Variants in TRIO observed in about 807,000 individuals in gnomAD.
TRIO encodes the protein trio Rho guanine nucleotide exchange factor.
Under a neutral mutation model 351.9 loss-of-function variants are expected in TRIO, and 58 were observed. That is an observed-to-expected ratio of 0.16 (90% CI 0.13 to 0.21). The LOEUF is 0.21. Among genes scored for constraint, TRIO ranks in the 10% least tolerant of loss-of-function variants. The probability of loss-of-function intolerance (pLI) is 1.00; values close to 1 mark genes in which losing one functional copy is unlikely to be tolerated. For synonymous variants in TRIO, 1,758 were observed against 1,595.7 expected (o/e 1.10, Z -2.42); for missense variants, 3,201 against 4,027.8 (o/e 0.79, Z 5.56).
chr5:14,431,250 C>G (rs1411412006), intron 34 of TRIO, among the ~76,000 whole-genome samples: 1 of 152,190 alleles, frequency 6.6e-6, no homozygotes, highest in Admixed American at 6.5e-5. Context: ...AGGGTCTGCC[C>G]TGCTTCATCG....
chr5:14,193,552 A>T, intron 1 of TRIO, among the ~76,000 whole-genome samples: 1 of 152,196 alleles, frequency 6.6e-6, no homozygotes, highest in Non-Finnish European at 1.5e-5. Context: ...CAAGTAATGG[A>T]ATCATTCCGT....
intron 1 of TRIO, among the ~76,000 whole-genome samples, chr5:14,185,856 TG>T (rs1790076278): frequency 6.6e-6 from 1 of 151,936 alleles, no homozygotes; most frequent in African/African-American, 2.4e-5. Context: ...GGACATGGGG[TG>T]GGGTGAGGAG....
intron 1 of TRIO, among the ~76,000 whole-genome samples, chr5:14,184,210 G>T (rs754532373): frequency 6.6e-6 from 1 of 152,080 alleles, no homozygotes; most frequent in East Asian, 1.9e-4. Context: ...TTTTTTAAAA[G>T]AGATTTGCTC....
At chr5:14,181,733 G>A (rs1242363082) in intron 1 of TRIO, among the ~76,000 whole-genome samples, 5 of 152,170 alleles carry the variant, frequency 3.3e-5, no homozygotes, top group Non-Finnish European at 7.4e-5. Flanking sequence ...CTGTAAAGGT[G>A]GATTAGAGGA....
chr5:14,254,144 C>T (rs1581454990), intron 1 of TRIO, among the ~76,000 whole-genome samples: 1 of 151,796 alleles, frequency 6.6e-6, no homozygotes, highest in Admixed American at 6.6e-5. Flanking sequence ...TAAATAGAAC[C>T]CACGTAATGC....
chr5:14,433,271 A>G (rs1413385544), intron 34 of TRIO, among the ~76,000 whole-genome samples: 1 of 152,232 alleles, frequency 6.6e-6, no homozygotes, highest in Admixed American at 6.5e-5. Flanking sequence ...ATGCCTCCAT[A>G]AAGGTGCTTT....
At chr5:14,442,687 G>T (rs566248633) in intron 34 of TRIO, among the ~76,000 whole-genome samples, 5 of 152,346 alleles carry the variant, frequency 3.3e-5, no homozygotes, top group Admixed American at 1.3e-4. Context: ...GTCCCTCGGG[G>T]ACCCTGTGCG....
At chr5:14,227,363 C>T (rs1469994355) in intron 1 of TRIO, among the ~76,000 whole-genome samples, 1 of 152,174 alleles carries the variant, frequency 6.6e-6, no homozygotes, top group Non-Finnish European at 1.5e-5. Context: ...ACAGGGACCT[C>T]CTTTTGTGCG....
chr5:14,403,769 G>A (rs1218020148), intron 31 of TRIO, among the ~76,000 whole-genome samples: 1 of 128,182 alleles, frequency 7.8e-6, no homozygotes, highest in Non-Finnish European at 1.6e-5. Context: ...GGTGGTGAGG[G>A]TGTAGGTTGT....
chr5:14,346,431 G>A (rs1742422253), intron 11 of TRIO, among the ~76,000 whole-genome samples: 1 of 152,150 alleles, frequency 6.6e-6, no homozygotes, highest in South Asian at 2.1e-4. Context: ...AGATCCCTGG[G>A]TACCAAAAGA....
At chr5:14,194,426 A>T (rs1790642358) in intron 1 of TRIO, among the ~76,000 whole-genome samples, 1 of 152,222 alleles carries the variant, frequency 6.6e-6, no homozygotes, top group African/African-American at 2.4e-5. Flanking sequence ...TTATTGTTAT[A>T]CAGGTGCTCC....
intron 34 of TRIO, among the ~76,000 whole-genome samples, chr5:14,428,619 A>G (rs1378462463): frequency 6.6e-6 from 1 of 152,250 alleles, no homozygotes; most frequent in South Asian, 2.1e-4. Context: ...CAAGTGGGCC[A>G]TTACTCTGTT....
rs764135577 is a variant in TRIO at position 14,482,731 on chromosome 5, G to A, written c.6615G>A (p.Lys2205=). ...VIFSEPLDKK[K]GFSMPGFLFK... is the part of the protein sequence containing the mutation. ...TCAGCGAACCACTTGATAAAAAGAA[G>A]GGCTTCTCCATGCCGGGATTCCTGT... The change falls in exon 46 of 57, where the codon AAG becomes AAA. Residue 2205 remains lysine (K), a synonymous_variant. Transcript: ENST00000344204. The A allele has an allele frequency of 1.6e-5, 25 of 1,608,352 alleles. No homozygotes were observed. Among genetic ancestry groups the A allele is most frequent in the Non-Finnish European group, 2.1e-5 (25 of 1,176,718 alleles).
chr5:14,367,421 A>G (rs969384145), intron 16 of TRIO, among the ~76,000 whole-genome samples: 1 of 152,206 alleles, frequency 6.6e-6, no homozygotes, highest in Non-Finnish European at 1.5e-5. Context: ...CAGCAAGACC[A>G]GGTGTATATC....
At chr5:14,283,294 G>A (rs547972783) in intron 3 of TRIO, among the ~76,000 whole-genome samples, 2 of 152,268 alleles carry the variant, frequency 1.3e-5, no homozygotes, top group East Asian at 1.9e-4. Flanking sequence ...GTGCTTCCTC[G>A]TGCTTCCCAG....
chr5:14,464,904 G>A (rs1425780809), intron 36 of TRIO, among the ~76,000 whole-genome samples: 2 of 151,802 alleles, frequency 1.3e-5, no homozygotes, highest in African/African-American at 2.4e-5. Context: ...ACCCCTTTAC[G>A]CCCTCGATTC....
chr5:14,425,562 G>A (rs551582643), intron 34 of TRIO, among the ~76,000 whole-genome samples: 1 of 141,166 alleles, frequency 7.1e-6, no homozygotes, highest in African/African-American at 3.2e-5. Flanking sequence ...GTCCTTCTGG[G>A]TGTATACCCA....
intron 29 of TRIO, 102 bp downstream of exon 29, chr5:14,397,256 A>G: frequency 4.7e-6 from 4 of 843,556 alleles, no homozygotes; most frequent in East Asian, 5.3e-5. Flanking sequence ...TTATGTCTCT[A>G]TGTTAGTGGT....
chr5:14,366,897 A>T lies in TRIO; in HGVS notation c.2792A>T (p.Asn931Ile). 6.2e-7 allele frequency: 1 copy of T among 1,614,184 alleles called. No individual in the cohort carries two copies. Among genetic ancestry groups the T allele is most frequent in the Non-Finnish European group, 8.5e-7 (1 of 1,180,034 alleles). Residue 931 changes from asparagine (N) to isoleucine (I), a missense_variant, in exon 16 of 57, where the codon AAT becomes ATT. By Grantham distance (149) the Asn-to-Ile change is moderately radical. Transcript: ENST00000344204. ...GWIRNGESML[N>I]AGLITASSLQ... is the part of the protein sequence containing the mutation. ...ATCCGCAACGGAGAGTCCATGTTAA[A>T]TGCCGGACTTATCACAGCCAGCTCG...
Sources: gnomAD v4.1 joint callset for allele counts (sites outside exome capture counted in the v4.1 genomes callset) on GRCh38, gnomAD v4.1.1 for gene constraint, MANE v1.5 for transcripts, NCBI Gene and HGNC (gene_info 2026-07-23, HGNC 2026-07-21) for gene names.